The following RABGGTB variants were observed in gnomAD, a reference collection of about 807,000 sequenced individuals.
RABGGTB encodes the protein geranylgeranyl transferase type-2 subunit beta.
A neutral mutation model predicts 44.5 loss-of-function variants in RABGGTB; 20 were observed. The observed-to-expected ratio is 0.45, with a 90% CI of 0.32 to 0.65. RABGGTB has a LOEUF of 0.65. RABGGTB is among the 30% of genes least tolerant of loss of function. The pLI, the probability that RABGGTB is intolerant of heterozygous loss-of-function variation, is 0.05. For synonymous variants in RABGGTB, 128 were observed against 136.7 expected (o/e 0.94, Z 0.44); for missense variants, 302 against 398.7 (o/e 0.76, Z 2.06).
At chr1:75,787,205 G>A in intron 1 of RABGGTB, 1 of 625,096 alleles carries the variant, frequency 1.6e-6, no homozygotes, top group Non-Finnish European at 3.0e-6. Flanking sequence ...GTTCTTTTTT[G>A]TTGGATACAA....
At chr1:75,786,240 A>G (rs771182028), upstream of RABGGTB, 12 of 1,613,962 alleles carry the variant, frequency 7.4e-6, no homozygotes, top group East Asian at 2.2e-5. Flanking sequence ...CTACCCAGGA[A>G]CTGACCCTGC....
chr1:75,787,673 GTATT>G, intron 2 of RABGGTB, 69 bp downstream of exon 2: 1 of 1,265,630 alleles, frequency 7.9e-7, no homozygotes, highest in East Asian at 2.3e-5. Flanking sequence ...CAGTGAGACA[GTATT>G]TATGTCTTAA....
Position 75,794,037 on chromosome 1 carries a change from A to G in RABGGTB, c.706-47A>G, listed in dbSNP as rs1003250419. On this transcript the variant is annotated intron_variant, in intron 7 of 8. Transcript: ENST00000319942. ...CCACTTTTAAATTGTTCTCAAAATT[A>G]GGGAAATAAAAGAGAATGAAATTGT... 3 of 1,437,734 alleles carry G rather than the reference A, an allele frequency of 2.1e-6. No individual in the cohort carries two copies. The African/African-American group carries it at 4.3e-5, about 21-fold the overall frequency. The allele number at this position is 1,437,734 out of a possible 1,614,324, so 89.1% of individuals were successfully genotyped here.
Position 75,787,426 on chromosome 1 carries a change from G to C in RABGGTB, c.4-71G>C, listed in dbSNP as rs991842840. On this transcript the variant is annotated intron_variant, in intron 1 of 8. Transcript: ENST00000319942. Reference sequence around the variant, plus strand: ...TCAAGTGAAAATTGAGATGTATGTTGAATCTATGCTGTGGGGCAGAAGAAC... The same window carrying C: ...TCAAGTGAAAATTGAGATGTATGTTCAATCTATGCTGTGGGGCAGAAGAAC... 8 of 1,127,626 alleles carry C rather than the reference G, an allele frequency of 7.1e-6. No homozygotes were observed. The African/African-American group carries it at 1.1e-4, about 15-fold the overall frequency. 69.9% of individuals were successfully genotyped at this position (1,127,626 alleles called of 1,614,324 possible).
intron 2 of RABGGTB, 198 bp downstream of exon 2, chr1:75,787,802 T>C (rs1482574526): frequency 7.3e-6 from 5 of 680,714 alleles, no homozygotes; most frequent in Non-Finnish European, 1.3e-5. Context: ...TTTTTACCTA[T>C]ACTGAGAGGG....
At chr1:75,793,053 C>T (rs1287769136) in intron 7 of RABGGTB, among the ~76,000 whole-genome samples, 1 of 152,200 alleles carries the variant, frequency 6.6e-6, no homozygotes, top group Admixed American at 6.5e-5. Context: ...ACCTCGTGAT[C>T]TGCCTGCATC....
In RABGGTB at chr1:75,787,598, T is replaced by A. The variant is rs1649530714; in HGVS notation, c.105T>A (p.Asp35Glu). The A allele has an allele frequency of 6.2e-7, 1 of 1,605,366 alleles. No homozygotes were observed. Among genetic ancestry groups the A allele is most frequent in the Non-Finnish European group, 8.5e-7 (1 of 1,172,172 alleles). Residue 35 changes from aspartate (D) to glutamate (E), a missense_variant, in exon 2 of 9, where the codon GAT becomes GAA. Physicochemically the swap from Asp to Glu is conservative, Grantham distance 45. Around this residue, in one of 2 missense-constraint regions of RABGGTB, gnomAD observed 89 missense variants for 75.0 expected, o/e 1.19. Coordinates refer to ENST00000319942, the MANE Select transcript of RABGGTB (RefSeq NM_004582.4). ...TCGCATCCTATGGCTCAAAGAAAGA[T>A]GATTATGTATGTATAATTTTTTTAT... ...DYIASYGSKK[D>E]DYEYCMSEYL... is the part of the protein sequence containing the mutation.
chr1:75,793,420 G>A (rs1042293551), intron 7 of RABGGTB: 2 of 152,216 alleles, frequency 1.3e-5, no homozygotes, highest in African/African-American at 4.8e-5. Flanking sequence ...TTAAACCTTA[G>A]TATTTCTGAA....
intron 7 of RABGGTB, 120 bp from the exon 8 acceptor site, chr1:75,793,964 C>A (rs1355096225): frequency 5.3e-6 from 6 of 1,127,702 alleles, no homozygotes; most frequent in Non-Finnish European, 7.5e-6. Context: ...CGTCCTTCCA[C>A]ATGGTTTGAC....
intron 1 of RABGGTB, 22 bp from the exon 2 acceptor site, chr1:75,787,475 G>A (rs1210117608): frequency 6.4e-7 from 1 of 1,560,930 alleles, no homozygotes; most frequent in Non-Finnish European, 8.8e-7. Flanking sequence ...ACATTGATGA[G>A]ATTACCACTT....
chr1:75,788,544 G>A (rs916103826), intron 2 of RABGGTB: 1 of 153,744 alleles, frequency 6.5e-6, no homozygotes, highest in African/African-American at 2.4e-5. Context: ...GCCTGCCCCA[G>A]CTTTCCAAAG....
rs935217806 is a variant in RABGGTB, at chr1:75,790,074, T to C, written c.415+17T>C. The C allele has an allele frequency of 2.5e-6, 4 of 1,610,982 alleles. No individual in the cohort carries two copies. The Admixed American group carries it at 6.7e-5, about 27-fold the overall frequency. On this transcript the variant is annotated intron_variant, in intron 4 of 8. Coordinates refer to ENST00000319942, the MANE Select transcript of RABGGTB (RefSeq NM_004582.4). ...ATATTTGGGGTAATGTCAGATTTAG[T>C]CCATTCTACCCAAAATACCAATATT...
intron 1 of RABGGTB, chr1:75,786,637 T>C: frequency 3.4e-6 from 1 of 296,770 alleles, no homozygotes; most frequent in Non-Finnish European, 6.4e-6. Flanking sequence ...TTAAGATTTT[T>C]AATGGGATCA....
At chr1:75,791,400 T>C (rs1282740316) in intron 5 of RABGGTB, 61 bp from the exon 6 acceptor site, 2 of 1,586,458 alleles carry the variant, frequency 1.3e-6, no homozygotes, top group African/African-American at 2.7e-5. Flanking sequence ...TTTTTTTTTT[T>C]TTTGAGTCTG....
intron 2 of RABGGTB, 199 bp downstream of exon 2, chr1:75,787,803 ACTGAGAGGG>A (rs1212105395): frequency 1.5e-6 from 1 of 682,026 alleles, no homozygotes; most frequent in Non-Finnish European, 2.7e-6. Flanking sequence ...TTTTACCTAT[ACTGAGAGGG>A]CTTGCCAGAC....
At chr1:75,787,426 G>A (rs991842840) in intron 1 of RABGGTB, 71 bp from the exon 2 acceptor site, 1 of 1,127,744 alleles carries the variant, frequency 8.9e-7, no homozygotes, top group Non-Finnish European at 1.3e-6. Context: ...GATGTATGTT[G>A]AATCTATGCT....
At chr1:75,791,726 A>G (rs1014034725) in intron 6 of RABGGTB, 155 bp downstream of exon 6, 2 of 664,816 alleles carry the variant, frequency 3.0e-6, no homozygotes, top group Non-Finnish European at 5.1e-6. Context: ...TGCTATCATT[A>G]CTTTGCTTTA....
At chr1:75,789,486 T>G in intron 3 of RABGGTB, 130 bp downstream of exon 3, 2 of 905,592 alleles carry the variant, frequency 2.2e-6, no homozygotes, top group Non-Finnish European at 3.7e-6. Flanking sequence ...AGGTCAATGA[T>G]GTAATGGCAT....
intron 2 of RABGGTB, chr1:75,788,818 G>T: frequency 3.5e-6 from 1 of 282,314 alleles, no homozygotes. Context: ...TATGGTATAG[G>T]TACTCGGAAA....
Sources: gnomAD v4.1 joint callset for allele counts (sites outside exome capture counted in the v4.1 genomes callset) on GRCh38, gnomAD v4.1.1 for gene constraint, gnomAD v4.1.1 regional missense constraint, MANE v1.5 for transcripts, NCBI Gene and HGNC (gene_info 2026-07-23, HGNC 2026-07-21) for gene names.